The following NRXN3 variants were observed in gnomAD, a reference collection of about 807,000 sequenced individuals.
The protein encoded by NRXN3 is neurexin 3.
In NRXN3, 32 loss-of-function variants were observed where a neutral mutation model predicts 137.6. The observed-to-expected ratio is 0.23, with a 90% confidence interval of 0.18 to 0.31. NRXN3 has a LOEUF of 0.31. Among genes scored for constraint, NRXN3 ranks in the 10% least tolerant of loss-of-function variants. The pLI is 1.00. For missense variants in NRXN3, 1,574 were observed against 2,062.5 expected (o/e 0.76, Z 4.59); for synonymous variants, 798 against 784.5 (o/e 1.02, Z -0.29).
intron 2 of NRXN3, among the ~76,000 whole-genome samples, chr14:78,248,929 G>A (rs1449553741): frequency 6.6e-6 from 1 of 152,142 alleles, no homozygotes; most frequent in African/African-American, 2.4e-5. Context: ...GCCAGCAGGG[G>A]CTGTCACTAA....
At chr14:79,188,136 A>G (rs1185591132) in intron 15 of NRXN3, among the ~76,000 whole-genome samples, 1 of 152,224 alleles carries the variant, frequency 6.6e-6, no homozygotes, top group Non-Finnish European at 1.5e-5. Context: ...TGAGTCATTA[A>G]GAGACATTGC....
chr14:79,379,711 G>C (rs1279418113), intron 15 of NRXN3, among the ~76,000 whole-genome samples: 1 of 152,172 alleles, frequency 6.6e-6, no homozygotes. Context: ...ACTCATGGAA[G>C]TGAGAGACTG....
intron 4 of NRXN3, among the ~76,000 whole-genome samples, chr14:78,445,420 G>A (rs1380393531): frequency 1.3e-5 from 2 of 152,208 alleles, no homozygotes; most frequent in Non-Finnish European, 2.9e-5. Flanking sequence ...CAGCCAGAGG[G>A]CCTGAAAAGT....
intron 10 of NRXN3, among the ~76,000 whole-genome samples, chr14:78,906,507 T>C (rs2152762135): frequency 6.6e-6 from 1 of 152,192 alleles, no homozygotes; most frequent in African/African-American, 2.4e-5. Flanking sequence ...TGAACACCCT[T>C]AACCATTTAT....
At chr14:78,938,000 G>C (rs975744638) in intron 10 of NRXN3, among the ~76,000 whole-genome samples, 4 of 152,222 alleles carry the variant, frequency 2.6e-5, no homozygotes, top group African/African-American at 4.8e-5. Context: ...ATTTAGACAA[G>C]TGATTATTAC....
At chr14:78,449,241 C>T (rs78253143) in intron 4 of NRXN3, among the ~76,000 whole-genome samples, 1 of 152,160 alleles carries the variant, frequency 6.6e-6, no homozygotes, top group Admixed American at 6.5e-5. Context: ...GAGATGGTGT[C>T]TCACTCTGTC....
intron 10 of NRXN3, among the ~76,000 whole-genome samples, chr14:78,835,033 C>G (rs2098992557): frequency 6.6e-6 from 1 of 151,962 alleles, no homozygotes; most frequent in South Asian, 2.1e-4. Flanking sequence ...ATCACCTTCT[C>G]TGTATTGTGT....
chr14:78,947,029 A>G (rs1248938779), intron 10 of NRXN3, among the ~76,000 whole-genome samples: 1 of 152,296 alleles, frequency 6.6e-6, no homozygotes, highest in Non-Finnish European at 1.5e-5. Flanking sequence ...CTACATACAT[A>G]TTATTTTAGG....
intron 15 of NRXN3, among the ~76,000 whole-genome samples, chr14:78,990,393 G>A (rs1374685475): frequency 7.4e-6 from 1 of 134,234 alleles, no homozygotes; most frequent in Non-Finnish European, 1.5e-5. Context: ...TTTTGAGACG[G>A]AGTCTCATTC....
chr14:78,660,067 A>C (rs1238108461), intron 6 of NRXN3, among the ~76,000 whole-genome samples: 1 of 152,056 alleles, frequency 6.6e-6, no homozygotes, highest in Non-Finnish European at 1.5e-5. Flanking sequence ...GTGAACATTT[A>C]GCCAAGCGTG....
At chr14:78,943,099 C>G (rs1461499437) in intron 10 of NRXN3, among the ~76,000 whole-genome samples, 2 of 151,942 alleles carry the variant, frequency 1.3e-5, no homozygotes, top group Non-Finnish European at 2.9e-5. Flanking sequence ...GTTCAGGGAG[C>G]AACACATGTG....
intron 15 of NRXN3, among the ~76,000 whole-genome samples, chr14:79,101,018 T>A (rs1426506310): frequency 6.6e-6 from 1 of 152,208 alleles, no homozygotes; most frequent in Non-Finnish European, 1.5e-5. Flanking sequence ...ACTTTGTTTT[T>A]TTCCTAAGGG....
Position 79,627,453 on chromosome 14 carries a change from C to T in NRXN3, c.3445-36325C>T, listed in dbSNP as rs527885039. Among the ~76,000 whole-genome samples, 5 of 152,250 alleles carry T rather than the reference C, an allele frequency of 3.3e-5. No homozygotes were observed. The East Asian group carries it at 9.6e-4, about 29-fold the overall frequency. ...TCTATCTTGGTGCATTCCAGCCACACCCCAAAAGAATAACAAGAATGAATA... is the reference window on the plus strand; with the variant it reads ...TCTATCTTGGTGCATTCCAGCCACATCCCAAAAGAATAACAAGAATGAATA... On this transcript the variant is annotated intron_variant, in intron 16 of 20. Transcript: ENST00000335750.
chr14:79,700,050 C>A (rs1240048259), intron 19 of NRXN3, among the ~76,000 whole-genome samples: 1 of 151,966 alleles, frequency 6.6e-6, no homozygotes, highest in Non-Finnish European at 1.5e-5. Context: ...CAGAACTCTG[C>A]CCTGTGCTCC....
intron 16 of NRXN3, among the ~76,000 whole-genome samples, chr14:79,588,392 G>C (rs891249761): frequency 1.3e-5 from 2 of 152,204 alleles, no homozygotes; most frequent in Non-Finnish European, 2.9e-5. Context: ...TCAAAGGATA[G>C]TTTTTCATGT....
chr14:79,635,431 G>C (rs903066356), intron 16 of NRXN3, among the ~76,000 whole-genome samples: 1 of 152,190 alleles, frequency 6.6e-6, no homozygotes, highest in Admixed American at 6.5e-5. Flanking sequence ...TGGGAATGGG[G>C]TTCACCAAAC....
intron 15 of NRXN3, among the ~76,000 whole-genome samples, chr14:79,314,697 C>T (rs2153232967): frequency 7.0e-6 from 1 of 143,338 alleles, no homozygotes; most frequent in Non-Finnish European, 1.5e-5. Flanking sequence ...AGTGGTTCTC[C>T]CAGCACGCAG....
intron 15 of NRXN3, among the ~76,000 whole-genome samples, chr14:79,191,646 A>G (rs1305234354): frequency 1.3e-5 from 2 of 152,218 alleles, no homozygotes; most frequent in Non-Finnish European, 2.9e-5. Context: ...AACACAATTA[A>G]TAGCTTTCTA....
In NRXN3 at chr14:79,235,984, C is replaced by T. The variant is rs576436686; in HGVS notation, c.3263-231237C>T. Reference sequence around the variant, plus strand: ...AATTATTATCTGAAGACCCCAAACACCAGATCCTCCAAAATAATGTTCCTT... The same window carrying T: ...AATTATTATCTGAAGACCCCAAACATCAGATCCTCCAAAATAATGTTCCTT... On this transcript the variant is annotated intron_variant, in intron 15 of 20. Transcript: ENST00000335750. Among the ~76,000 whole-genome samples, 5 of 152,086 alleles carry T rather than the reference C, an allele frequency of 3.3e-5. No individual in the cohort carries two copies. The South Asian group carries it at 1.0e-3, about 31-fold the overall frequency.
Sources: allele counts gnomAD v4.1 joint callset (sites outside exome capture counted in the v4.1 genomes callset), GRCh38; gene constraint gnomAD v4.1.1; transcripts MANE v1.5; gene names NCBI Gene and HGNC (gene_info 2026-07-23, HGNC 2026-07-21).